The following PRMT8 variants were observed in gnomAD, a reference collection of about 807,000 sequenced individuals.
PRMT8 encodes protein arginine methyltransferase 8.
In PRMT8, 7 loss-of-function variants were observed where a neutral mutation model predicts 47.1. That is an observed-to-expected ratio of 0.15 (90% CI 0.08 to 0.28). The LOEUF is 0.28. Ranked by LOEUF, PRMT8 falls within the 10% of genes least tolerant of loss-of-function variation. The pLI, the probability that PRMT8 is intolerant of heterozygous loss-of-function variation, is 1.00. For missense variants in PRMT8, 237 were observed against 505.4 expected (o/e 0.47, Z 5.09); for synonymous variants, 188 against 186.5 (o/e 1.01, Z -0.07).
rs1406746831 is a variant in PRMT8, at chr12:3,572,546, T to C, written c.712+2982T>C. Among the ~76,000 whole-genome samples the C allele has an allele frequency of 6.6e-6, 1 of 152,212 alleles. No homozygotes were observed. The highest frequency in any genetic ancestry group is 2.4e-5 in the African/African-American group (1 of 41,454). Reference sequence around the variant, plus strand: ...GGTGGCAGTGCTTATAGCTTGATGGTTGAAGGGCGGCCCTCTTGGATGGCT... The same window carrying C: ...GGTGGCAGTGCTTATAGCTTGATGGCTGAAGGGCGGCCCTCTTGGATGGCT... On this transcript the variant is annotated intron_variant, in intron 6 of 9. Transcript: ENST00000382622. This position sits in a 1 kb window ranked among gnomAD's most constrained non-coding sequence, Gnocchi z 5.9.
rs535540668 is a variant in PRMT8 at position 3,445,104 on chromosome 12, C to A, written c.48+63662C>A. On this transcript the variant is annotated intron_variant, in intron 1 of 9. Coordinates refer to the PRMT8 transcript ENST00000452611. Reference sequence around the variant, plus strand: ...TTGGAGACAGCCTCTAGTATGGAGACCGCTTGCTCCTGCTTTTAATCAGAC... The same window carrying A: ...TTGGAGACAGCCTCTAGTATGGAGAACGCTTGCTCCTGCTTTTAATCAGAC... Among the ~76,000 whole-genome samples the A allele has an allele frequency of 1.1e-4, 16 of 152,338 alleles. No homozygotes were observed. The South Asian group carries it at 3.3e-3, about 32-fold the overall frequency.
Position 3,580,335 on chromosome 12 carries a change from T to TGC in PRMT8, c.829-2721_829-2720dup, listed in dbSNP as rs1178919573. On this transcript the variant is annotated intron_variant, in intron 7 of 9. Transcript: ENST00000382622. This position sits in a 1 kb window ranked among gnomAD's most constrained non-coding sequence, Gnocchi z 4.6. ...ATTCCTGCCAGATGGGGGGTGCGTG[T>TGC]GCGTGTGTGTGTGTGTGTGTGTGTG... is the stretch of plus-strand genomic sequence containing the variant. 0.02 allele frequency among the ~76,000 whole-genome samples: 2,202 copies of TGC among 108,348 alleles called. 43 individuals carry two copies. Among genetic ancestry groups the TGC allele is most frequent in the African/African-American group, 0.068 (2,044 of 30,062 alleles). 71.1% of individuals were successfully genotyped at this position (108,348 alleles called of 152,430 possible). A position where few individuals can be genotyped will look rare whatever the true frequency, so the allele number is the denominator to read the frequency against.
Position 3,491,832 on chromosome 12 carries a change from CTGTGTGTGTGTGTGTGTGTGTGTGTGTG to C in PRMT8, c.75+162_75+189del, listed in dbSNP as rs531683101. 1.7e-5 allele frequency: 9 copies of C among 536,356 alleles called. 1 individual carries two copies. The highest frequency in any genetic ancestry group is 1.0e-4 in the African/African-American group (2 of 19,256). The allele number at this position is 536,356 out of a possible 1,614,324, so 33.2% of individuals were successfully genotyped here. On this transcript the variant is annotated intron_variant, in intron 1 of 9. Transcript: ENST00000382622. ...CCCGCTCGCTTCTGCCGGCCTCCTC[CTGTGTGTGTGTGTGTGTGTGTGTGTGTG>C]TGTGTGTGTGTGTGTGTGTGTGTGT...
At chr12:3,556,505 A>G (rs1866530262) in intron 4 of PRMT8, among the ~76,000 whole-genome samples, 1 of 152,102 alleles carries the variant, frequency 6.6e-6, no homozygotes, top group African/African-American at 2.4e-5. Flanking sequence ...CTTTGGCCAC[A>G]TGGAGGTTAC....
chr12:3,414,869 G>A (rs1023496140), intron 1 of PRMT8, among the ~76,000 whole-genome samples: 3 of 151,966 alleles, frequency 2.0e-5, no homozygotes, highest in African/African-American at 4.8e-5. Context: ...CTGCTCAGTC[G>A]CTTGTGTTGC....
At chr12:3,568,651 G>A (rs922810686) in intron 4 of PRMT8, 55 bp from the exon 5 acceptor site, 3 of 1,607,118 alleles carry the variant, frequency 1.9e-6, no homozygotes, top group South Asian at 2.2e-5. Flanking sequence ...TGAGGTGCTT[G>A]TGGTTCCTGG....
At chr12:3,450,740 C>T (rs1247967869) in intron 1 of PRMT8, among the ~76,000 whole-genome samples, 1 of 152,206 alleles carries the variant, frequency 6.6e-6, no homozygotes, top group Non-Finnish European at 1.5e-5. Flanking sequence ...GTGAACTTCT[C>T]TTATTGTCAC....
chr12:3,531,572 G>T (rs567348084), intron 1 of PRMT8, among the ~76,000 whole-genome samples: 2 of 152,322 alleles, frequency 1.3e-5, no homozygotes, highest in East Asian at 3.9e-4. Context: ...TGCTGTGTGG[G>T]TGCAATGCCA....
intron 1 of PRMT8, among the ~76,000 whole-genome samples, chr12:3,417,038 A>C (rs1038204776): frequency 2.0e-5 from 3 of 152,260 alleles, no homozygotes; most frequent in Non-Finnish European, 2.9e-5. Flanking sequence ...TATTAAGGGA[A>C]CTATTATACT....
chr12:3,562,648 T>C (rs1289128179), intron 4 of PRMT8, among the ~76,000 whole-genome samples: 1 of 152,198 alleles, frequency 6.6e-6, no homozygotes, highest in Non-Finnish European at 1.5e-5. Context: ...AACTCTGCCT[T>C]GAATGACATC....
intron 1 of PRMT8, among the ~76,000 whole-genome samples, chr12:3,499,123 TCTTAA>T (rs922491370): frequency 1.3e-5 from 2 of 152,054 alleles, no homozygotes; most frequent in African/African-American, 2.4e-5. Context: ...TATGACTTCA[TCTTAA>T]CTTGATAACA....
chr12:3,440,187 G>A (rs1460362317), intron 1 of PRMT8, among the ~76,000 whole-genome samples: 4 of 152,194 alleles, frequency 2.6e-5, no homozygotes, highest in Non-Finnish European at 5.9e-5. Context: ...TAGGCCGGGC[G>A]TGGTGGCTCA....
Position 3,592,371 on chromosome 12 carries a change from A to C in PRMT8, c.1101+19A>C, listed in dbSNP as rs756775027. 5.0e-6 allele frequency: 8 copies of C among 1,598,876 alleles called. No homozygotes were observed. The highest frequency in any genetic ancestry group is 2.7e-5 in the African/African-American group (2 of 74,078). On this transcript the variant is annotated intron_variant, in intron 9 of 9. Transcript: ENST00000382622. ...AAATGTGGTAAGTGCCGAGGGACAT[A>C]AGGACATAAGGGAGAAGGGCCCCAC... is the stretch of plus-strand genomic sequence containing the variant.
chr12:3,421,884 C>G (rs1864545547), intron 1 of PRMT8, among the ~76,000 whole-genome samples: 2 of 152,214 alleles, frequency 1.3e-5, no homozygotes, highest in Non-Finnish European at 2.9e-5. Flanking sequence ...TTTGCAAGGT[C>G]TCTCTCTGCT....
intron 8 of PRMT8, among the ~76,000 whole-genome samples, chr12:3,588,103 G>A (rs1388464035): frequency 6.6e-6 from 1 of 152,188 alleles, no homozygotes; most frequent in Non-Finnish European, 1.5e-5. Flanking sequence ...GCAAGCCCTG[G>A]TTTTTTCAGG....
chr12:3,494,648 A>G (rs1865477793), intron 1 of PRMT8, among the ~76,000 whole-genome samples: 1 of 152,174 alleles, frequency 6.6e-6, no homozygotes, highest in Admixed American at 6.5e-5. Context: ...AAAGCTACGG[A>G]GAGATACTCT....
At chr12:3,511,414 C>T (rs1474841880) in intron 1 of PRMT8, among the ~76,000 whole-genome samples, 3 of 152,194 alleles carry the variant, frequency 2.0e-5, no homozygotes, top group Admixed American at 2.0e-4. Context: ...ACAATCTGAA[C>T]TTTCTGGGTC....
chr12:3,435,526 CTT>C (rs1260938565), intron 1 of PRMT8, among the ~76,000 whole-genome samples: 4 of 131,586 alleles, frequency 3.0e-5, no homozygotes, highest in Non-Finnish European at 1.7e-5. Context: ...CTTTTTTTTT[CTT>C]TTTTTTTTTT....
At chr12:3,585,728 T>C (rs140545022) in intron 8 of PRMT8, among the ~76,000 whole-genome samples, 1 of 152,118 alleles carries the variant, frequency 6.6e-6, no homozygotes, top group Non-Finnish European at 1.5e-5. Context: ...GCTGGTGCTT[T>C]CCTGCCCTGA....
Sources: allele counts gnomAD v4.1 joint callset (sites outside exome capture counted in the v4.1 genomes callset), GRCh38; gene constraint gnomAD v4.1.1; non-coding constraint Gnocchi (gnomAD v3.1); transcripts MANE v1.5; gene names NCBI Gene and HGNC (gene_info 2026-07-23, HGNC 2026-07-21).